KIAA1549L: variants seen among roughly 807,000 people sequenced by gnomAD.
KIAA1549L encodes UPF0606 protein KIAA1549L.
In KIAA1549L, 88 loss-of-function variants were observed where a neutral mutation model predicts 160.7. That is an observed-to-expected ratio of 0.55 (90% CI 0.46 to 0.65). The LOEUF (loss-of-function observed/expected upper bound fraction) is 0.65, where lower values mean the gene tolerates loss of function less well. KIAA1549L is among the 30% of genes least tolerant of loss of function. The probability of loss-of-function intolerance (pLI) is 0.00; values close to 1 mark genes in which losing one functional copy is unlikely to be tolerated. For missense variants in KIAA1549L, 2,258 were observed against 2,437.5 expected (o/e 0.93, Z 1.55); for synonymous variants, 950 against 976.7 (o/e 0.97, Z 0.51).
chr11:33,504,239 C>T (rs915363081), intron 1 of KIAA1549L, among the ~76,000 whole-genome samples: 7 of 151,574 alleles, frequency 4.6e-5, no homozygotes, highest in African/African-American at 1.2e-4. Flanking sequence ...CCAGCCTGGG[C>T]GACAGAGCGA....
At chr11:33,577,752 G>A (rs913857395) in intron 10 of KIAA1549L, among the ~76,000 whole-genome samples, 4 of 152,102 alleles carry the variant, frequency 2.6e-5, no homozygotes, top group African/African-American at 4.8e-5. Context: ...ACAGGGCTCC[G>A]CTTCTCCTTA....
rs1297838803 is a variant in KIAA1549L at position 33,645,692 on chromosome 11, C to G, written c.5416C>G (p.Pro1806Ala). 2.5e-6 allele frequency: 4 copies of G among 1,611,798 alleles called. No homozygotes were observed. Among genetic ancestry groups the G allele is most frequent in the Non-Finnish European group, 3.4e-6 (4 of 1,178,084 alleles). The change falls in exon 17 of 21, where the codon CCT (proline) becomes GCT (alanine). Residue 1806 changes from proline (P) to alanine (A), a missense_variant. Pro to Ala is a conservative substitution (Grantham distance 27). Coordinates refer to ENST00000658780, the MANE Select transcript of KIAA1549L (RefSeq NM_012194.3). ...GIRNSGYDTEPEIIEETNIDR... is the reference protein window; with the variant it reads ...GIRNSGYDTEAEIIEETNIDR... ...GCTTTGTTTCCTCCCACAGACTGAG[C>G]CTGAAATCATAGAGGAAACCAACAT... is the stretch of plus-strand genomic sequence containing the variant.
chr11:33,590,942 T>A (rs1850034973), intron 11 of KIAA1549L, among the ~76,000 whole-genome samples: 1 of 152,218 alleles, frequency 6.6e-6, no homozygotes, highest in Non-Finnish European at 1.5e-5. Context: ...TGACTTAAAA[T>A]TCATGGTCTA....
chr11:33,552,266 G>A (rs1288912030), intron 6 of KIAA1549L, 25 bp downstream of exon 6: 1 of 1,586,838 alleles, frequency 6.3e-7, no homozygotes, highest in South Asian at 1.2e-5. Flanking sequence ...GCTTCAGGCT[G>A]TGTAGTTGAC....
chr11:33,446,685 T>G (rs981815505), intron 1 of KIAA1549L, among the ~76,000 whole-genome samples: 3 of 152,088 alleles, frequency 2.0e-5, no homozygotes, highest in Non-Finnish European at 4.4e-5. Flanking sequence ...TTTTTAAATT[T>G]AAGTTTTAGA....
intron 13 of KIAA1549L, among the ~76,000 whole-genome samples, chr11:33,602,120 C>G (rs1850382109): frequency 1.3e-5 from 2 of 152,156 alleles, no homozygotes; most frequent in African/African-American, 4.8e-5. Context: ...CCTGCCTGAA[C>G]CCTTTAAAGT....
At chr11:33,398,488 C>G (rs1208265517) in intron 1 of KIAA1549L, among the ~76,000 whole-genome samples, 4 of 152,102 alleles carry the variant, frequency 2.6e-5, no homozygotes, top group Non-Finnish European at 5.9e-5. Context: ...TGATTGAACT[C>G]TCATGGTAAG....
intron 1 of KIAA1549L, among the ~76,000 whole-genome samples, chr11:33,494,757 T>G (rs915979749): frequency 1.3e-5 from 2 of 152,216 alleles, no homozygotes; most frequent in African/African-American, 2.4e-5. Context: ...CCACTTTGGC[T>G]CGATGCTGCT....
intron 10 of KIAA1549L, among the ~76,000 whole-genome samples, chr11:33,581,941 T>TA (rs909641042): frequency 2.0e-5 from 3 of 151,888 alleles, no homozygotes; most frequent in Admixed American, 6.6e-5. Flanking sequence ...TTCTTGCTAA[T>TA]AAAAAAAAGC....
chr11:33,533,115 G>T (rs1300607627), intron 1 of KIAA1549L, among the ~76,000 whole-genome samples: 1 of 152,186 alleles, frequency 6.6e-6, no homozygotes, highest in Non-Finnish European at 1.5e-5. Flanking sequence ...GGTTCAGACA[G>T]GAGGTAACAG....
At chr11:33,614,560 ATATATATATATATATATATATATATTT>A (rs1850744908) in intron 15 of KIAA1549L, among the ~76,000 whole-genome samples, 4 of 13,146 alleles carry the variant, frequency 3.0e-4, no homozygotes, top group African/African-American at 2.4e-3. Context: ...ATATATATAT[ATATATATATATATATATATATATATTT>A]TTTTTTTTTT....
intron 16 of KIAA1549L, among the ~76,000 whole-genome samples, chr11:33,644,425 G>T (rs1308330423): frequency 6.6e-6 from 1 of 152,186 alleles, no homozygotes; most frequent in Non-Finnish European, 1.5e-5. Flanking sequence ...TCATTTACTT[G>T]CTGTGCTTAT....
chr11:33,384,087 T>C (rs1850126052), intron 1 of KIAA1549L, among the ~76,000 whole-genome samples: 1 of 152,166 alleles, frequency 6.6e-6, no homozygotes, highest in African/African-American at 2.4e-5. Context: ...ATACAGAACA[T>C]TTCTGTCACC....
intron 1 of KIAA1549L, among the ~76,000 whole-genome samples, chr11:33,378,868 A>C (rs1413704559): frequency 6.6e-6 from 1 of 152,126 alleles, no homozygotes; most frequent in African/African-American, 2.4e-5. Context: ...CACTGGAGGC[A>C]GTTTCACCCC....
chr11:33,492,366 C>CA (rs1284391641), intron 1 of KIAA1549L, among the ~76,000 whole-genome samples: 4 of 151,960 alleles, frequency 2.6e-5, no homozygotes, highest in Non-Finnish European at 5.9e-5. Context: ...GACTCTGTCT[C>CA]AAAAAAACCC....
chr11:33,403,370 CA>C (rs1275667667), intron 1 of KIAA1549L: 1 of 60,260 alleles, frequency 1.7e-5, no homozygotes, highest in Non-Finnish European at 3.2e-5. Flanking sequence ...CAGACACATG[CA>C]GACAGACACA....
chr11:33,392,195 CA>C (rs1850284166), intron 1 of KIAA1549L, among the ~76,000 whole-genome samples: 1 of 152,202 alleles, frequency 6.6e-6, no homozygotes, highest in Admixed American at 6.5e-5. Context: ...TTATACAGTG[CA>C]GTCCTTCCCT....
chr11:33,610,372 C>T (rs1590395273), intron 15 of KIAA1549L, among the ~76,000 whole-genome samples: 1 of 152,212 alleles, frequency 6.6e-6, no homozygotes, highest in African/African-American at 2.4e-5. Flanking sequence ...CATTCAGCCT[C>T]AGTAAGTACT....
chr11:33,466,899 A>G (rs796881560), intron 1 of KIAA1549L, among the ~76,000 whole-genome samples: 15 of 147,620 alleles, frequency 1.0e-4, no homozygotes, highest in African/African-American at 3.5e-4. Flanking sequence ...GTTCTCACTC[A>G]TAAGTGGGAG....
Sources: gnomAD v4.1 joint callset for allele counts (sites outside exome capture counted in the v4.1 genomes callset) on GRCh38, gnomAD v4.1.1 for gene constraint, MANE v1.5 for transcripts, NCBI Gene and HGNC (gene_info 2026-07-23, HGNC 2026-07-21) for gene names.